ACR: variants seen among roughly 807,000 people sequenced by gnomAD.
ACR encodes the protein acrosin, also known as acrosin light and heavy chain prepropeptide.
In ACR, 17 loss-of-function variants were observed where a neutral mutation model predicts 26.0. That is an observed-to-expected ratio of 0.65 (90% confidence interval 0.45 to 0.98). ACR has a LOEUF of 0.98. ACR is among the 50% of genes least tolerant of loss of function. The pLI, the probability that ACR is intolerant of heterozygous loss-of-function variation, is 0.00. For missense variants in ACR, 435 were observed against 519.3 expected, an observed-to-expected ratio of 0.84 and a Z score of 1.58; for synonymous variants, 199 against 207.7, an observed-to-expected ratio of 0.96 and a Z score of 0.36.
intron 4 of ACR, 154 bp from the exon 5 acceptor site, chr22:50,744,499 C>A: frequency 8.3e-7 from 1 of 1,206,866 alleles, no homozygotes; most frequent in East Asian, 2.6e-5. Context: ...AAATGAAGCC[C>A]CTGACACCCC....
At position 50,744,063 on chromosome 22, in the gene ACR, C is replaced by A. The variant is rs752210268; in HGVS notation, c.568C>A (p.Pro190Thr). The A allele has an allele frequency of 6.2e-7, 1 of 1,606,316 alleles. No individual in the cohort carries two copies. Among genetic ancestry groups the A allele is most frequent in the Admixed American group, 1.7e-5 (1 of 59,940 alleles). ...AGWGYIEEKAPRPSSILMEAR... is the reference protein window; with the variant it reads ...AGWGYIEEKATRPSSILMEAR... Reference sequence around the variant, plus strand: ...ACCACCGAGTGGTCTGACTATAGCCCCCAGGCCATCATCTATACTGATGGA... The same window carrying A: ...ACCACCGAGTGGTCTGACTATAGCCACCAGGCCATCATCTATACTGATGGA... The change falls in exon 4 of 5, where the codon CCC (proline) becomes ACC (threonine). Residue 190 changes from proline to threonine, a missense_variant and splice_region_variant. This residue lies in a region of ACR where 314 missense variants were observed against 372.0 expected (regional missense o/e 0.84). Transcript: ENST00000216139.
chr22:50,742,426 C>T (rs887401784), intron 3 of ACR, among the ~76,000 whole-genome samples: 13 of 151,720 alleles, frequency 8.6e-5, no homozygotes, highest in African/African-American at 2.7e-4. Context: ...CGCCTGTAGT[C>T]CCAGCTACTC....
chr22:50,738,328 C>T lies in ACR; in HGVS notation c.77+16C>T, dbSNP rs1275399037. 1 of 1,612,920 alleles carries T rather than the reference C, an allele frequency of 6.2e-7. No individual in the cohort carries two copies. The highest frequency in any genetic ancestry group is 8.5e-7 in the Non-Finnish European group (1 of 1,179,488). On this transcript the variant is annotated intron_variant, in intron 1 of 4. Transcript: ENST00000216139. ...CCACGTGTGAGTAAGTGTCGGGGCA[C>T]CTTGGTGGGGGAAGGATCTTCTGAG...
rs893576131 is a variant in ACR, at chr22:50,740,751, C to T, written c.565+774C>T. 263 of 702,238 alleles carry T rather than the reference C, an allele frequency of 3.7e-4. 2 individuals carry two copies. Among genetic ancestry groups the T allele is most frequent in the Non-Finnish European group, 2.4e-4 (94 of 384,906 alleles). 43.5% of individuals were successfully genotyped at this position (702,238 alleles called of 1,614,324 possible). On this transcript the variant is annotated intron_variant, in intron 3 of 4. Transcript: ENST00000216139. ...AAGATCTCTTGCCCATCCAACACTA[C>T]CTGATACACTCGACACCAGATGAGT... is the stretch of plus-strand genomic sequence containing the variant.
intron 3 of ACR, among the ~76,000 whole-genome samples, chr22:50,741,845 GT>G (rs1337117850): frequency 2.0e-5 from 3 of 151,212 alleles, no homozygotes; most frequent in Non-Finnish European, 4.4e-5. Flanking sequence ...TAAAGCCCAG[GT>G]GTCGGCTGGG....
chr22:50,740,536 T>A, intron 3 of ACR: 1 of 698,878 alleles, frequency 1.4e-6, no homozygotes, highest in Non-Finnish European at 2.6e-6. Context: ...TCCATCTGAG[T>A]TACTTGACAT....
chr22:50,738,408 T>A (rs1022374088), intron 1 of ACR, 96 bp downstream of exon 1: 114 of 1,273,778 alleles, frequency 8.9e-5, no homozygotes, highest in Non-Finnish European at 1.2e-4. Context: ...GGAGGCTGCA[T>A]CCCTAACCTG....
intron 3 of ACR, among the ~76,000 whole-genome samples, chr22:50,743,173 C>T (rs13058566): frequency 0.013 from 1,998 of 150,320 alleles, 36 homozygotes; most frequent in African/African-American, 0.047. Context: ...GTAGCTGGGA[C>T]TACAGGCGCC....
rs145756479 is a variant in ACR at position 50,739,370 on chromosome 22, C to T, written c.177C>T (p.Ser59=). ...AQHGAWPWMV[S]LQIFTYNSHR... Reference sequence around the variant, plus strand: ...ATGGGGCCTGGCCCTGGATGGTCAGCCTCCAGATCTTCACGTACAACAGCC... The same window carrying T: ...ATGGGGCCTGGCCCTGGATGGTCAGTCTCCAGATCTTCACGTACAACAGCC... Residue 59 remains serine (S), a synonymous_variant, in exon 2 of 5, where the codon AGC becomes AGT. Transcript: ENST00000216139. The surrounding 1 kb of genome is among the most constrained non-coding windows in gnomAD (Gnocchi z 5.5). 2.7e-4 allele frequency: 435 copies of T among 1,613,762 alleles called. 1 individual carries two copies. Among genetic ancestry groups the T allele is most frequent in the Non-Finnish European group, 3.5e-4 (410 of 1,179,866 alleles).
intron 3 of ACR, chr22:50,740,203 C>T (rs543789048): frequency 1.8e-4 from 117 of 661,828 alleles, no homozygotes; most frequent in African/African-American, 1.7e-3. Flanking sequence ...GCAGGCAGAG[C>T]GCAGCGTTGC....
chr22:50,739,784 T>C lies in ACR; in HGVS notation c.372T>C (p.Tyr124=), dbSNP rs2146853141. ...TAAAGGCGCCTCTGCAAGAGAGATATGTGGAGAAAATCATCATTCATGAAA... is the reference window on the plus strand; with the variant it reads ...TAAAGGCGCCTCTGCAAGAGAGATACGTGGAGAAAATCATCATTCATGAAA... ...KPVKAPLQER[Y]VEKIIIHEKY... is the part of the protein sequence containing the mutation. Residue 124 remains tyrosine (Y), a synonymous_variant, in exon 3 of 5, where the codon TAT becomes TAC. Transcript: ENST00000216139. This position sits in a 1 kb window ranked among gnomAD's most constrained non-coding sequence, Gnocchi z 5.5. The C allele has an allele frequency of 1.9e-6, 3 of 1,603,870 alleles. No homozygotes were observed. Among genetic ancestry groups the C allele is most frequent in the Middle Eastern group, 3.3e-4 (2 of 6,000 alleles).
chr22:50,738,801 CCCT>C (rs1454397083), intron 1 of ACR, among the ~76,000 whole-genome samples: 1 of 152,066 alleles, frequency 6.6e-6, no homozygotes, highest in African/African-American at 2.4e-5. Flanking sequence ...TCAGTGTGCC[CCCT>C]ACACCTGTGG....
At chr22:50,742,535 C>A (rs923065301) in intron 3 of ACR, among the ~76,000 whole-genome samples, 1 of 103,412 alleles carries the variant, frequency 9.7e-6, no homozygotes, top group African/African-American at 4.5e-5. Context: ...CAGAGCAAGA[C>A]TCCGTCTCAA....
rs768051648 is a variant in ACR at position 50,739,829 on chromosome 22, G to C, written c.417G>C (p.Glu139Asp). The C allele has an allele frequency of 1.2e-6, 2 of 1,611,486 alleles. No homozygotes were observed. Among genetic ancestry groups the C allele is most frequent in the Non-Finnish European group, 1.7e-6 (2 of 1,178,656 alleles). ...ATGAAAAATACAACTCTGCGACAGA[G>C]GGAAATGACATTGCCCTCGTGGAGA... ...IIHEKYNSAT[E>D]GNDIALVEIT... The change falls in exon 3 of 5, where the codon GAG (glutamate) becomes GAC (aspartate). Residue 139 changes from glutamate to aspartate, a missense_variant. This residue lies in a region of ACR where 314 missense variants were observed against 372.0 expected (regional missense o/e 0.84). Transcript: ENST00000216139. This position sits in a 1 kb window ranked among gnomAD's most constrained non-coding sequence, Gnocchi z 5.5.
At chr22:50,743,085 G>C (rs2083432559) in intron 3 of ACR, among the ~76,000 whole-genome samples, 1 of 151,710 alleles carries the variant, frequency 6.6e-6, no homozygotes, top group Non-Finnish European at 1.5e-5. Context: ...GCCCGGGCTG[G>C]AGTGCAGTGG....
intron 3 of ACR, 40 bp downstream of exon 3, chr22:50,740,017 C>T (rs2083417944): frequency 2.5e-6 from 4 of 1,611,022 alleles, no homozygotes; most frequent in Non-Finnish European, 3.4e-6. Context: ...CGCTGCTGGC[C>T]ATTCTCCTGG....
At chr22:50,741,461 T>C (rs1230263396) in intron 3 of ACR, among the ~76,000 whole-genome samples, 1 of 151,954 alleles carries the variant, frequency 6.6e-6, no homozygotes, top group Non-Finnish European at 1.5e-5. Context: ...CCTATGTTCC[T>C]GGGAGGCTGA....
chr22:50,739,728 A>T lies in ACR; in HGVS notation c.316A>T (p.Lys106Ter), dbSNP rs2083415782. 1 of 1,547,096 alleles carries T rather than the reference A, an allele frequency of 6.5e-7. No homozygotes were observed. Among genetic ancestry groups the T allele is most frequent in the Admixed American group, 2.1e-5 (1 of 48,662 alleles). Residue 106 changes from lysine (K) to a stop codon, truncating the protein, a stop_gained, in exon 3 of 5, where the codon AAG becomes TAG. Transcript: ENST00000216139. LOFTEE classifies it high-confidence loss of function. This position sits in a 1 kb window ranked among gnomAD's most constrained non-coding sequence, Gnocchi z 5.5. ...TGACTGGAGACTGGTTTTCGGAGCA[A>T]AGGAAATTACATATGGGAACAATAA... ...VHDWRLVFGA[K>*]EITYGNNKPV... is the part of the protein sequence containing the mutation.
chr22:50,739,167 C>T lies in ACR; in HGVS notation c.78-104C>T, dbSNP rs1242526603. 1.9e-6 allele frequency: 2 copies of T among 1,046,390 alleles called. No individual in the cohort carries two copies. Among genetic ancestry groups the T allele is most frequent in the African/African-American group, 3.2e-5 (2 of 63,130 alleles). The allele number at this position is 1,046,390 out of a possible 1,614,324, so 64.8% of individuals were successfully genotyped here. Reference sequence around the variant, plus strand: ...GCTTTCCCAGAACCCGGAAGCTCTTCCCCACTTTTCCCAACCCCATGTCCC... The same window carrying T: ...GCTTTCCCAGAACCCGGAAGCTCTTTCCCACTTTTCCCAACCCCATGTCCC... On this transcript the variant is annotated intron_variant, in intron 1 of 4. Coordinates refer to ENST00000216139, the MANE Select transcript of ACR (RefSeq NM_001097.3). This position sits in a 1 kb window ranked among gnomAD's most constrained non-coding sequence, Gnocchi z 5.5.
Sources: gnomAD v4.1 joint callset for allele counts (sites outside exome capture counted in the v4.1 genomes callset) on GRCh38, gnomAD v4.1.1 for gene constraint, gnomAD v4.1.1 regional missense constraint, Gnocchi (gnomAD v3.1) non-coding constraint, MANE v1.5 for transcripts, NCBI Gene and HGNC (gene_info 2026-07-23, HGNC 2026-07-21) for gene names.